Variants in TNFRSF11A observed in about 807,000 individuals in gnomAD.
TNFRSF11A encodes the protein TNF receptor superfamily member 11a, also known as tumor necrosis factor receptor superfamily member 11A.
A neutral mutation model predicts 55.7 loss-of-function variants in TNFRSF11A; 32 were observed. The observed-to-expected ratio is 0.57, with a 90% CI of 0.43 to 0.77. The LOEUF is 0.77. Ranked by LOEUF, TNFRSF11A falls within the 30% of genes least tolerant of loss-of-function variation. The pLI is 0.00. For missense variants in TNFRSF11A, 753 were observed against 809.8 expected (o/e 0.93, Z 0.85); for synonymous variants, 311 against 331.0 (o/e 0.94, Z 0.65).
At chr18:62,359,121 C>T (rs550789343) in intron 5 of TNFRSF11A, among the ~76,000 whole-genome samples, 14 of 152,204 alleles carry the variant, frequency 9.2e-5, no homozygotes, top group African/African-American at 2.6e-4. Flanking sequence ...CATGGTGGCA[C>T]GTGCCTGTAA....
intron 9 of TNFRSF11A, among the ~76,000 whole-genome samples, chr18:62,377,441 T>C (rs1910977464): frequency 6.6e-6 from 1 of 152,226 alleles, no homozygotes; most frequent in African/African-American, 2.4e-5. Context: ...TAACTGTATG[T>C]TCAGTTTTGT....
intron 9 of TNFRSF11A, among the ~76,000 whole-genome samples, chr18:62,381,054 TCG>T (rs1174209924): frequency 6.6e-6 from 1 of 152,128 alleles, no homozygotes; most frequent in Admixed American, 6.6e-5. Flanking sequence ...TTCACCCACT[TCG>T]GCCTCCCAAA....
At chr18:62,352,041 C>T (rs2046481911) in intron 3 of TNFRSF11A, among the ~76,000 whole-genome samples, 3 of 152,222 alleles carry the variant, frequency 2.0e-5, no homozygotes, top group Admixed American at 2.0e-4. Context: ...AGGGATCCCC[C>T]CGCCTCGGCC....
Position 62,385,036 on chromosome 18 carries a change from C to A in TNFRSF11A, c.*2C>A. 6.8e-7 allele frequency: 1 copy of A among 1,473,688 alleles called. No homozygotes were observed. Among genetic ancestry groups the A allele is most frequent in the Non-Finnish European group, 8.9e-7 (1 of 1,121,742 alleles). The allele number at this position is 1,473,688 out of a possible 1,614,324, so 91.3% of individuals were successfully genotyped here. A position where few individuals can be genotyped will look rare whatever the true frequency, so the allele number is the denominator to read the frequency against. On this transcript the variant is annotated 3_prime_UTR_variant, in exon 10 of 10. Transcript: ENST00000586569. ...GAGCAAGGCGGGGCCAAGGCTTGAG[C>A]GCCCCCCATGGCTGGGAGCCCGAAG...
At chr18:62,371,963 G>C (rs916247975) in intron 9 of TNFRSF11A, among the ~76,000 whole-genome samples, 1 of 149,072 alleles carries the variant, frequency 6.7e-6, no homozygotes, top group African/African-American at 2.5e-5. Flanking sequence ...AGGATTTTTT[G>C]TTTGTTTTTA....
rs1221673377 is a variant in TNFRSF11A at position 62,383,123 on chromosome 18, G to A, written c.1568-1628G>A. Among the ~76,000 whole-genome samples the A allele has an allele frequency of 6.6e-6, 1 of 152,114 alleles. No individual in the cohort carries two copies. The highest frequency in any genetic ancestry group is 1.9e-4 in the East Asian group (1 of 5,190). On this transcript the variant is annotated intron_variant, in intron 9 of 9. Transcript: ENST00000586569. This position sits in a 1 kb window ranked among gnomAD's most constrained non-coding sequence, Gnocchi z 4.2. ...CAACGGGCCTCCCTCATGCTAATTG[G>A]GGGTTCTTAGACAAGTCCTGCCACT...
At position 62,325,804 on chromosome 18, in the gene TNFRSF11A, G is replaced by T. The variant is rs1040666143; in HGVS notation, c.75+377G>T. 1.3e-5 allele frequency among the ~76,000 whole-genome samples: 2 copies of T among 152,242 alleles called. No individual in the cohort carries two copies. The highest frequency in any genetic ancestry group is 2.9e-5 in the Non-Finnish European group (2 of 68,036). On this transcript the variant is annotated intron_variant, in intron 1 of 9. Coordinates refer to ENST00000586569, the MANE Select transcript of TNFRSF11A (RefSeq NM_003839.4). This position sits in a 1 kb window ranked among gnomAD's most constrained non-coding sequence, Gnocchi z 4.7. ...CAGCGCCGTGGGCACCTCACTTGCG[G>T]CAGATAACCGTTCCCGATACGATTT...
rs1297786430 is a variant in TNFRSF11A, at chr18:62,349,942, G to T, written c.283+5G>T. On this transcript the variant is annotated splice_donor_5th_base_variant and intron_variant, in intron 3 of 9. Coordinates refer to ENST00000586569, the MANE Select transcript of TNFRSF11A (RefSeq NM_003839.4). Reference sequence around the variant, plus strand: ...TGCATAAAGTTTGTGATACAGGTGAGCCCGTCCTGTCAGTGTGTCAGTGGG... The same window carrying T: ...TGCATAAAGTTTGTGATACAGGTGATCCCGTCCTGTCAGTGTGTCAGTGGG... 6.2e-7 allele frequency: 1 copy of T among 1,613,854 alleles called. No homozygotes were observed. Among genetic ancestry groups the T allele is most frequent in the Non-Finnish European group, 8.5e-7 (1 of 1,179,844 alleles).
chr18:62,358,446 T>C (rs1909434363), intron 5 of TNFRSF11A, 105 bp downstream of exon 5: 1 of 1,129,760 alleles, frequency 8.9e-7, no homozygotes, highest in East Asian at 2.4e-5. Context: ...GGGTTAGGCT[T>C]CCTCTTGAAG....
At chr18:62,363,689 A>C (rs1394218602) in intron 7 of TNFRSF11A, among the ~76,000 whole-genome samples, 1 of 152,152 alleles carries the variant, frequency 6.6e-6, no homozygotes, top group Non-Finnish European at 1.5e-5. Flanking sequence ...TTTCTTAAAG[A>C]GTCTGTTCAT....
chr18:62,338,106 G>A (rs2046260243), intron 1 of TNFRSF11A, among the ~76,000 whole-genome samples: 1 of 152,120 alleles, frequency 6.6e-6, no homozygotes, highest in African/African-American at 2.4e-5. Context: ...GGAACCACAA[G>A]GAGATACTAC....
intron 4 of TNFRSF11A, among the ~76,000 whole-genome samples, chr18:62,357,165 G>T (rs1447661825): frequency 6.6e-6 from 1 of 152,176 alleles, no homozygotes; most frequent in Non-Finnish European, 1.5e-5. Context: ...TCTGGACAAA[G>T]AAAATTTATT....
intron 1 of TNFRSF11A, among the ~76,000 whole-genome samples, chr18:62,330,411 G>C (rs539305075): frequency 1.1e-4 from 16 of 152,342 alleles, no homozygotes; most frequent in African/African-American, 3.8e-4. Context: ...CTGGCGGTGA[G>C]AACAGCAGGG....
intron 9 of TNFRSF11A, among the ~76,000 whole-genome samples, chr18:62,384,096 C>A (rs1378598215): frequency 6.6e-6 from 1 of 150,928 alleles, no homozygotes; most frequent in East Asian, 1.9e-4. Context: ...CATACACTCT[C>A]TCTCTCTTTT....
chr18:62,335,677 C>T (rs2046222348), intron 1 of TNFRSF11A, among the ~76,000 whole-genome samples: 1 of 152,162 alleles, frequency 6.6e-6, no homozygotes. Context: ...AGAGTTTCAG[C>T]CCAGAAAGAG....
At chr18:62,370,524 G>A (rs1273845294) in intron 9 of TNFRSF11A, among the ~76,000 whole-genome samples, 1 of 152,172 alleles carries the variant, frequency 6.6e-6, no homozygotes, top group Non-Finnish European at 1.5e-5. Context: ...ATCTGAGGTA[G>A]CTAGATCTGT....
At chr18:62,329,441 A>G (rs763234662) in intron 1 of TNFRSF11A, among the ~76,000 whole-genome samples, 11 of 152,104 alleles carry the variant, frequency 7.2e-5, no homozygotes, top group Non-Finnish European at 1.2e-4. Context: ...CCAGCAGGTG[A>G]TTTTTCCTCT....
intron 4 of TNFRSF11A, chr18:62,357,817 G>C (rs1909374784): frequency 3.9e-6 from 1 of 253,730 alleles, no homozygotes; most frequent in South Asian, 5.5e-5. Flanking sequence ...CCTGCAGACA[G>C]AGGCTGGGCT....
At chr18:62,355,004 C>G (rs1909151942) in intron 4 of TNFRSF11A, among the ~76,000 whole-genome samples, 1 of 152,224 alleles carries the variant, frequency 6.6e-6, no homozygotes. Context: ...GGAATTATAA[C>G]TGCGATAACA....
Sources: gnomAD v4.1 joint callset for allele counts (sites outside exome capture counted in the v4.1 genomes callset) on GRCh38, gnomAD v4.1.1 for gene constraint, Gnocchi (gnomAD v3.1) non-coding constraint, MANE v1.5 for transcripts, NCBI Gene and HGNC (gene_info 2026-07-23, HGNC 2026-07-21) for gene names.